The following ARNT2 variants were observed in gnomAD, a reference collection of about 807,000 sequenced individuals.
ARNT2 encodes the protein ARNT protein 2.
In ARNT2, 36 loss-of-function variants were observed where a neutral mutation model predicts 91.7. The ratio of observed to expected loss-of-function variants is 0.39; its 90% confidence interval spans 0.30 to 0.52. The LOEUF (loss-of-function observed/expected upper bound fraction) is 0.52, where lower values mean the gene tolerates loss of function less well. Ranked by LOEUF, ARNT2 falls within the 20% of genes least tolerant of loss-of-function variation. The pLI is 0.72. For missense variants in ARNT2, 775 were observed against 939.3 expected (o/e 0.83, Z 2.29); for synonymous variants, 365 against 347.1 (o/e 1.05, Z -0.57).
intron 3 of ARNT2, 110 bp downstream of exon 3, chr15:80,458,086 G>T: frequency 8.7e-7 from 1 of 1,150,570 alleles, no homozygotes; most frequent in South Asian, 1.4e-5. Flanking sequence ...ATTGCCTGCA[G>T]TTTGACTGGT....
At chr15:80,592,724 T>C (rs1455298993) in intron 18 of ARNT2, among the ~76,000 whole-genome samples, 2 of 152,222 alleles carry the variant, frequency 1.3e-5, no homozygotes, top group Non-Finnish European at 2.9e-5. Flanking sequence ...CATCTCCTCC[T>C]TCCTCCTTCT....
chr15:80,562,136 G>T (rs1042604178), intron 11 of ARNT2, among the ~76,000 whole-genome samples: 1 of 150,954 alleles, frequency 6.6e-6, no homozygotes, highest in African/African-American at 2.4e-5. Flanking sequence ...GTGCAGTGAC[G>T]CAATGTCTGC....
At chr15:80,562,256 C>T (rs1195569299) in intron 11 of ARNT2, among the ~76,000 whole-genome samples, 3 of 152,018 alleles carry the variant, frequency 2.0e-5, no homozygotes, top group Admixed American at 6.6e-5. Flanking sequence ...TTAGTAGAGA[C>T]GGGGTTTTGC....
Position 80,551,250 on chromosome 15 carries a change from G to A in ARNT2, c.929G>A (p.Cys310Tyr), listed in dbSNP as rs1341943867. The A allele has an allele frequency of 1.2e-6, 2 of 1,613,842 alleles. No individual in the cohort carries two copies. The highest frequency in any genetic ancestry group is 1.7e-6 in the Non-Finnish European group (2 of 1,179,848). Residue 310 changes from cysteine to tyrosine, a missense_variant, in exon 9 of 19, where the codon TGC becomes TAC. Cys to Tyr is a radical substitution (Grantham distance 194). Coordinates refer to ENST00000303329, the MANE Select transcript of ARNT2 (RefSeq NM_014862.4). ...DADVGQGSKYCLVAIGRLQVT... is the reference protein window; with the variant it reads ...DADVGQGSKYYLVAIGRLQVT... ...GATGTGGGACAAGGCAGTAAATATTGCCTCGTGGCAATTGGGAGACTCCAG... is the reference window on the plus strand; with the variant it reads ...GATGTGGGACAAGGCAGTAAATATTACCTCGTGGCAATTGGGAGACTCCAG...
In ARNT2 at chr15:80,448,799, C is replaced by T. The variant is rs377178855; in HGVS notation, c.32-2081C>T. 3.5e-3 allele frequency among the ~76,000 whole-genome samples: 526 copies of T among 152,026 alleles called. 3 individuals carry two copies. Among genetic ancestry groups the T allele is most frequent in the African/African-American group, 0.012 (505 of 41,430 alleles). On this transcript the variant is annotated intron_variant, in intron 1 of 18. Transcript: ENST00000303329. ...GAGATGGAGACCATCCTGGCTAACACGGTGAAACCCCATCTCTACTAAAAA... is the reference window on the plus strand; with the variant it reads ...GAGATGGAGACCATCCTGGCTAACATGGTGAAACCCCATCTCTACTAAAAA...
intron 1 of ARNT2, among the ~76,000 whole-genome samples, chr15:80,405,441 C>T (rs935738742): frequency 1.3e-5 from 2 of 151,990 alleles, no homozygotes; most frequent in African/African-American, 4.8e-5. Flanking sequence ...TCACAGAGGG[C>T]GGCCCCCAGG....
intron 10 of ARNT2, among the ~76,000 whole-genome samples, chr15:80,553,159 A>C (rs539220853): frequency 6.6e-6 from 1 of 152,334 alleles, no homozygotes; most frequent in South Asian, 2.1e-4. Context: ...TCTCAAGTGC[A>C]TTTGGAAACC....
intron 3 of ARNT2, among the ~76,000 whole-genome samples, chr15:80,469,000 A>G (rs1182895146): frequency 6.6e-6 from 1 of 152,188 alleles, no homozygotes; most frequent in Non-Finnish European, 1.5e-5. Flanking sequence ...TAATTAATAC[A>G]TGCAGTGTCT....
intron 1 of ARNT2, among the ~76,000 whole-genome samples, chr15:80,442,458 T>C (rs1567180566): frequency 6.6e-6 from 1 of 152,218 alleles, no homozygotes; most frequent in African/African-American, 2.4e-5. Context: ...CAGGATTGGG[T>C]CCTTTCATCT....
At chr15:80,552,913 C>A (rs544913473) in intron 10 of ARNT2, 139 bp downstream of exon 10, 22 of 1,043,786 alleles carry the variant, frequency 2.1e-5, no homozygotes, top group Middle Eastern at 4.9e-4. Context: ...CTAGATAGAA[C>A]GATAGATATC....
intron 6 of ARNT2, among the ~76,000 whole-genome samples, 167 bp from the exon 7 acceptor site, chr15:80,513,744 C>CAAAAAAAAAAAAAAA (rs1670619362): frequency 9.7e-6 from 1 of 103,026 alleles, no homozygotes; most frequent in Non-Finnish European, 2.2e-5. Context: ...AAAAAAAAAT[C>CAAAAAAAAAAAAAAA]AAAGGCATGC....
chr15:80,569,570 A>T (rs147510851), intron 12 of ARNT2, among the ~76,000 whole-genome samples: 118 of 152,288 alleles, frequency 7.7e-4, no homozygotes, highest in African/African-American at 2.7e-3. Flanking sequence ...AGGTTGTGGG[A>T]TGGAGATGCT....
In ARNT2 at chr15:80,512,671, T is replaced by C. The variant is rs557431808; in HGVS notation, c.726-1240T>C. Among the ~76,000 whole-genome samples the C allele has an allele frequency of 6.6e-5, 10 of 152,328 alleles. No individual in the cohort carries two copies. In the South Asian group the frequency reaches 2.1e-3, roughly 32 times the overall value. The stretch of plus-strand genomic sequence containing the variant: ...TTGAGTAGAGCACCAGCAATACAAA[T>C]CTTAATGGTACCATCTAAGCAATTC... On this transcript the variant is annotated intron_variant, in intron 6 of 18. Coordinates refer to ENST00000303329, the MANE Select transcript of ARNT2 (RefSeq NM_014862.4).
chr15:80,408,415 T>G (rs533974690), intron 1 of ARNT2, among the ~76,000 whole-genome samples: 2 of 152,358 alleles, frequency 1.3e-5, no homozygotes, highest in South Asian at 4.1e-4. Flanking sequence ...AGGTAACTTC[T>G]GAACGTGGGC....
At chr15:80,506,138 T>C in intron 5 of ARNT2, among the ~76,000 whole-genome samples, 1 of 151,830 alleles carries the variant, frequency 6.6e-6, no homozygotes, top group Non-Finnish European at 1.5e-5. Context: ...GGGTTTCACC[T>C]TGTTAGCCAG....
chr15:80,567,754 T>A (rs549127776), intron 12 of ARNT2, among the ~76,000 whole-genome samples: 12 of 152,298 alleles, frequency 7.9e-5, no homozygotes, highest in African/African-American at 2.6e-4. Flanking sequence ...GGATGCCCCC[T>A]CAGGGCACAG....
chr15:80,534,119 A>G (rs1735465567), intron 8 of ARNT2, among the ~76,000 whole-genome samples: 1 of 152,208 alleles, frequency 6.6e-6, no homozygotes, highest in African/African-American at 2.4e-5. Context: ...AACTCTGCCA[A>G]ATGTTTTAGA....
intron 12 of ARNT2, among the ~76,000 whole-genome samples, chr15:80,571,895 C>T (rs748902071): frequency 1.3e-5 from 2 of 152,180 alleles, no homozygotes; most frequent in Non-Finnish European, 2.9e-5. Flanking sequence ...AACCACTTAA[C>T]CTCTTTGAAC....
At chr15:80,491,200 G>A (rs1436081240) in intron 5 of ARNT2, among the ~76,000 whole-genome samples, 2 of 152,142 alleles carry the variant, frequency 1.3e-5, no homozygotes, top group Non-Finnish European at 2.9e-5. Flanking sequence ...TCACGCTGCT[G>A]ATAAAGACAT....
Sources: gnomAD v4.1 joint callset for allele counts (sites outside exome capture counted in the v4.1 genomes callset) on GRCh38, gnomAD v4.1.1 for gene constraint, MANE v1.5 for transcripts, NCBI Gene and HGNC (gene_info 2026-07-23, HGNC 2026-07-21) for gene names.